The following ARPC5 variants were observed in gnomAD, a reference collection of about 807,000 sequenced individuals.
ARPC5 encodes the protein actin related protein 2/3 complex subunit 5, also known as actin-related protein 2/3 complex subunit 5.
In ARPC5, 5 loss-of-function variants were observed where a neutral mutation model predicts 15.4. The ratio of observed to expected loss-of-function variants is 0.32; its 90% CI spans 0.17 to 0.68. The LOEUF (loss-of-function observed/expected upper bound fraction) is 0.68, where lower values mean the gene tolerates loss of function less well. Ranked by LOEUF, ARPC5 falls within the 30% of genes least tolerant of loss-of-function variation. The pLI is 0.71. For missense variants in ARPC5, 138 were observed against 192.8 expected (o/e 0.72, Z 1.68); for synonymous variants, 85 against 72.2 (o/e 1.18, Z -0.90).
At position 183,623,957 on chromosome 1, in the gene ARPC5, A is replaced by G. The variant is rs966646765; in HGVS notation, c.*3575T>C. ...AGAATCGCTTGAGCCTGGGAGGTGG[A>G]GGCTGCAGTGAGCCGAGATTGTGCC... is the stretch of plus-strand genomic sequence containing the variant. On this transcript the variant is annotated 3_prime_UTR_variant, in exon 4 of 4. Transcript: ENST00000359856. The G allele has an allele frequency of 2.3e-5, 4 of 173,172 alleles. No individual in the cohort carries two copies. Among genetic ancestry groups the G allele is most frequent in the Non-Finnish European group, 3.6e-5 (3 of 82,302 alleles). 10.7% of individuals were successfully genotyped at this position (173,172 alleles called of 1,614,324 possible).
chr1:183,630,439 A>C (rs199768350), intron 3 of ARPC5, 22 bp downstream of exon 3: 2 of 1,559,902 alleles, frequency 1.3e-6, no homozygotes, highest in African/African-American at 2.7e-5. Context: ...CCAGTCATAT[A>C]GATTTATAAT....
Position 183,623,432 on chromosome 1 carries a change from T to C in ARPC5, c.*4100A>G. ...ATGACATGCTGTACCTCTGTGGGCTTCCCGGGCCTCCTCCATATCTGGAAT... is the reference window on the plus strand; with the variant it reads ...ATGACATGCTGTACCTCTGTGGGCTCCCCGGGCCTCCTCCATATCTGGAAT... On this transcript the variant is annotated 3_prime_UTR_variant, in exon 4 of 4. Coordinates refer to ENST00000359856, the MANE Select transcript of ARPC5 (RefSeq NM_005717.4). 6.4e-7 allele frequency: 1 copy of C among 1,550,480 alleles called. No homozygotes were observed. The highest frequency in any genetic ancestry group is 8.7e-7 in the Non-Finnish European group (1 of 1,146,940).
rs977718121 is a variant in ARPC5 at position 183,623,484 on chromosome 1, T to C, written c.*4048A>G. The C allele has an allele frequency of 1.9e-6, 3 of 1,550,160 alleles. No homozygotes were observed. ...ATACAAGAGGCACCTGCACAGAACGTTTTCACATTGGGGTTTTCACATATT... is the reference window on the plus strand; with the variant it reads ...ATACAAGAGGCACCTGCACAGAACGCTTTCACATTGGGGTTTTCACATATT... On this transcript the variant is annotated 3_prime_UTR_variant, in exon 4 of 4. Coordinates refer to ENST00000359856, the MANE Select transcript of ARPC5 (RefSeq NM_005717.4).
In ARPC5 at chr1:183,623,350, C is replaced by A; in HGVS notation, c.*4182G>T. The A allele has an allele frequency of 7.3e-7, 1 of 1,371,032 alleles. No homozygotes were observed. The highest frequency in any genetic ancestry group is 1.2e-5 in the South Asian group (1 of 80,388). The allele number at this position is 1,371,032 out of a possible 1,614,324, so 84.9% of individuals were successfully genotyped here. A position where few individuals can be genotyped will look rare whatever the true frequency, so the allele number is the denominator to read the frequency against. ...AGAAATGTTAAAGTGAATGCTGTGT[C>A]CCATGTTGCTTGTGGTTGGATCATC... On this transcript the variant is annotated 3_prime_UTR_variant, in exon 4 of 4. Transcript: ENST00000359856.
chr1:183,632,012 T>C (rs923435225), intron 2 of ARPC5: 5 of 152,204 alleles, frequency 3.3e-5, no homozygotes, highest in Non-Finnish European at 7.3e-5. Context: ...GAAAAATATC[T>C]TTGCATCCAC....
rs1196241684 is a variant in ARPC5 at position 183,626,831 on chromosome 1, A to C, written c.*701T>G. 6.6e-6 allele frequency: 1 copy of C among 152,268 alleles called. No homozygotes were observed. The highest frequency in any genetic ancestry group is 1.5e-5 in the Non-Finnish European group (1 of 68,026). 9.4% of individuals were successfully genotyped at this position (152,268 alleles called of 1,614,324 possible). On this transcript the variant is annotated 3_prime_UTR_variant, in exon 4 of 4. Transcript: ENST00000359856. ...AAAAGTTTGATGTTCATGCCCAACA[A>C]GCTCTGATATTTTATGGATACATTT...
At position 183,630,552 on chromosome 1, in the gene ARPC5, T is replaced by C. The variant is rs1415296179; in HGVS notation, c.302A>G (p.Asn101Ser). The stretch of plus-strand genomic sequence containing the variant: ...ATACTTCATTAGGAGATCCACACCA[T>C]TCTTGTCCAGAGATTGAACTGCCTT... Reference protein sequence around the residue: ...IEKAVQSLDKNGVDLLMKYIY... With the variant: ...IEKAVQSLDKSGVDLLMKYIY... Residue 101 changes from asparagine (N) to serine (S), a missense_variant, in exon 3 of 4, where the codon AAT (asparagine) becomes AGT (serine). Asn to Ser is a conservative substitution (Grantham distance 46, BLOSUM62 1). Transcript: ENST00000359856. 6.2e-7 allele frequency: 1 copy of C among 1,613,956 alleles called. No individual in the cohort carries two copies. The highest frequency in any genetic ancestry group is 8.5e-7 in the Non-Finnish European group (1 of 1,179,942).
Position 183,635,470 on chromosome 1 carries a change from C to CGGGCTGGGCT in ARPC5, c.143+37_143+46dup, listed in dbSNP as rs769611623. ...AGGCTCCCGGGTCCCAGGAGAAGGG[C>CGGGCTGGGCT]GGGCTGGGCTGGGCTGGGGTGGGGA... is the stretch of plus-strand genomic sequence containing the variant. On this transcript the variant is annotated intron_variant, in intron 1 of 3. Coordinates refer to ENST00000359856, the MANE Select transcript of ARPC5 (RefSeq NM_005717.4). 55 of 836,848 alleles carry CGGGCTGGGCT rather than the reference C, an allele frequency of 6.6e-5. 2 individuals carry two copies. The East Asian group carries it at 9.2e-4, about 14-fold the overall frequency. 51.8% of individuals were successfully genotyped at this position (836,848 alleles called of 1,614,324 possible). A position where few individuals can be genotyped will look rare whatever the true frequency, so the allele number is the denominator to read the frequency against.
In ARPC5 at chr1:183,627,416, G is replaced by C. The variant is rs758698668; in HGVS notation, c.*116C>G. On this transcript the variant is annotated 3_prime_UTR_variant, in exon 4 of 4. Coordinates refer to ENST00000359856, the MANE Select transcript of ARPC5 (RefSeq NM_005717.4). Reference sequence around the variant, plus strand: ...TTTCTTTACAGATATGAAAAAGCAAGAAGGCAAAGCTGAGAGAAACAGATG... The same window carrying C: ...TTTCTTTACAGATATGAAAAAGCAACAAGGCAAAGCTGAGAGAAACAGATG... 1 of 843,822 alleles carries C rather than the reference G, an allele frequency of 1.2e-6. No homozygotes were observed. Among genetic ancestry groups the C allele is most frequent in the Non-Finnish European group, 2.0e-6 (1 of 504,154 alleles). The allele number at this position is 843,822 out of a possible 1,614,324, so 52.3% of individuals were successfully genotyped here.
Position 183,623,526 on chromosome 1 carries a change from G to C in ARPC5, c.*4006C>G, listed in dbSNP as rs1292075274. 6.5e-7 allele frequency: 1 copy of C among 1,549,872 alleles called. No individual in the cohort carries two copies. Among genetic ancestry groups the C allele is most frequent in the African/African-American group, 1.4e-5 (1 of 72,988 alleles). On this transcript the variant is annotated 3_prime_UTR_variant, in exon 4 of 4. Transcript: ENST00000359856. The stretch of plus-strand genomic sequence containing the variant: ...TCACATATTGTACTAGTGACATTGG[G>C]GTGAGGGGGAGAGGGAGTGGGGCAG...
intron 1 of ARPC5, among the ~76,000 whole-genome samples, chr1:183,634,289 T>C (rs762839767): frequency 1.4e-4 from 22 of 152,228 alleles, no homozygotes; most frequent in Non-Finnish European, 2.8e-4. Flanking sequence ...AGTATTTAAA[T>C]AATGCAAAAG....
Position 183,627,525 on chromosome 1 carries a change from T to C in ARPC5, c.*7A>G, listed in dbSNP as rs754847343. The C allele has an allele frequency of 3.1e-6, 5 of 1,613,564 alleles. No individual in the cohort carries two copies. In the Admixed American group the frequency reaches 8.3e-5, roughly 27 times the overall value. ...CTCCCGAGGCAGATAATCCACTTCC[T>C]GCCAGACTACACAGTTTTTCTTGCA... On this transcript the variant is annotated 3_prime_UTR_variant, in exon 4 of 4. Coordinates refer to ENST00000359856, the MANE Select transcript of ARPC5 (RefSeq NM_005717.4).
chr1:183,625,051 T>G lies in ARPC5; in HGVS notation c.*2481A>C, dbSNP rs765451921. The G allele has an allele frequency of 6.6e-6, 1 of 152,260 alleles. No homozygotes were observed. The highest frequency in any genetic ancestry group is 2.4e-5 in the African/African-American group (1 of 41,464). The allele number at this position is 152,260 out of a possible 1,614,324, so 9.4% of individuals were successfully genotyped here. A position where few individuals can be genotyped will look rare whatever the true frequency, so the allele number is the denominator to read the frequency against. ...CCAATGACCAAGAAGGGGTATGTTT[T>G]CCATTTCTTCCCTTTTGTAAAATGC... is the stretch of plus-strand genomic sequence containing the variant. On this transcript the variant is annotated 3_prime_UTR_variant, in exon 4 of 4. Transcript: ENST00000359856.
rs1649069821 is a variant in ARPC5, at chr1:183,625,467, G to C, written c.*2065C>G. On this transcript the variant is annotated 3_prime_UTR_variant, in exon 4 of 4. Transcript: ENST00000359856. ...GCTTCAGTTATGAAAGTGATGTTAA[G>C]AAGGATTTTATGAAAAAGCATTCAG... The C allele has an allele frequency of 6.6e-6, 1 of 152,226 alleles. No individual in the cohort carries two copies. The highest frequency in any genetic ancestry group is 6.5e-5 in the Admixed American group (1 of 15,288). 9.4% of individuals were successfully genotyped at this position (152,226 alleles called of 1,614,324 possible).
intron 3 of ARPC5, among the ~76,000 whole-genome samples, chr1:183,629,747 C>T (rs78324977): frequency 0.079 from 12,041 of 152,240 alleles, 928 homozygotes; most frequent in African/African-American, 0.2. Context: ...ACAAAATTTG[C>T]CATTTTAACC....
rs746336463 is a variant in ARPC5 at position 183,625,079 on chromosome 1, A to G, written c.*2453T>C. 2.0e-5 allele frequency: 3 copies of G among 152,372 alleles called. No homozygotes were observed. The highest frequency in any genetic ancestry group is 6.5e-5 in the Admixed American group (1 of 15,308). The allele number at this position is 152,372 out of a possible 1,614,324, so 9.4% of individuals were successfully genotyped here. A position where few individuals can be genotyped will look rare whatever the true frequency, so the allele number is the denominator to read the frequency against. On this transcript the variant is annotated 3_prime_UTR_variant, in exon 4 of 4. Transcript: ENST00000359856. ...ATTTCTTCCCTTTTGTAAAATGCCA[A>G]AAAAGAAACCAAATAGTAAAAGCAC...
rs371738261 is a variant in ARPC5 at position 183,635,699 on chromosome 1, G to A, written c.-40C>T. ...GCGGCAAAGGCCTCTTCTTGGCGCT[G>A]CCTCTACCTCAGCAAGCCCAGCCCA... is the stretch of plus-strand genomic sequence containing the variant. On this transcript the variant is annotated 5_prime_UTR_variant, in exon 1 of 4. Coordinates refer to ENST00000359856, the MANE Select transcript of ARPC5 (RefSeq NM_005717.4). The A allele has an allele frequency of 1.3e-6, 2 of 1,595,876 alleles. No individual in the cohort carries two copies. The highest frequency in any genetic ancestry group is 8.5e-7 in the Non-Finnish European group (1 of 1,170,010).
Position 183,635,587 on chromosome 1 carries a change from C to A in ARPC5, c.73G>T (p.Val25Leu). Residue 25 changes from valine (V) to leucine (L), a missense_variant, in exon 1 of 4, where the codon GTG becomes TTG. Physicochemically the swap from Val to Leu is conservative, Grantham distance 32. Transcript: ENST00000359856. Reference sequence around the variant, plus strand: ...CCGTCGCCCCCATCTTCTTCGTCCACGAACTTGTTCTCGTCATATTCATCC... The same window carrying A: ...CCGTCGCCCCCATCTTCTTCGTCCAAGAACTTGTTCTCGTCATATTCATCC... ...DVDEYDENKFVDEEDGGDGQA... is the reference protein window; with the variant it reads ...DVDEYDENKFLDEEDGGDGQA... 6.2e-7 allele frequency: 1 copy of A among 1,613,728 alleles called. No homozygotes were observed. The highest frequency in any genetic ancestry group is 1.1e-5 in the South Asian group (1 of 91,032).
chr1:183,624,736 C>T lies in ARPC5; in HGVS notation c.*2796G>A, dbSNP rs2101952544. Reference sequence around the variant, plus strand: ...TTGTTCTCCCAACATTGACTAACTGCATTTACAGTCAAATGCTAAATTGTA... The same window carrying T: ...TTGTTCTCCCAACATTGACTAACTGTATTTACAGTCAAATGCTAAATTGTA... On this transcript the variant is annotated 3_prime_UTR_variant, in exon 4 of 4. Transcript: ENST00000359856. 6.6e-6 allele frequency: 1 copy of T among 152,306 alleles called. No individual in the cohort carries two copies. The highest frequency in any genetic ancestry group is 2.4e-5 in the African/African-American group (1 of 41,562). The allele number at this position is 152,306 out of a possible 1,614,324, so 9.4% of individuals were successfully genotyped here.
Sources: allele counts gnomAD v4.1 joint callset (sites outside exome capture counted in the v4.1 genomes callset), GRCh38; gene constraint gnomAD v4.1.1; transcripts MANE v1.5; gene names NCBI Gene and HGNC (gene_info 2026-07-23, HGNC 2026-07-21).